The following QTMAN variants were observed in gnomAD, a reference collection of about 807,000 sequenced individuals.
The protein encoded by QTMAN is tRNA-queuosine alpha-mannosyltransferase.
the QTMAN span, among the ~76,000 whole-genome samples, chr2:144,177,447 G>T: frequency 6.6e-6 from 1 of 151,990 alleles, no homozygotes; most frequent in Non-Finnish European, 1.5e-5. Flanking sequence ...TATAATACTA[G>T]TTCAAATATT....
the QTMAN span, among the ~76,000 whole-genome samples, chr2:144,307,159 T>TAAAAAAAAAAAAAAAAAACAATTA: frequency 2.5e-5 from 1 of 40,466 alleles, no homozygotes; most frequent in Admixed American, 4.3e-4. Context: ...GACTCCGTCT[T>TAAAAAAAAAAAAAAAAAACAATTA]AAAAAAAAAA....
At chr2:143,954,330 CAA>C in the QTMAN span, among the ~76,000 whole-genome samples, 2 of 151,926 alleles carry the variant, frequency 1.3e-5, no homozygotes, top group East Asian at 1.9e-4. Context: ...TACATAAAAT[CAA>C]AAGAGTGAAG....
chr2:144,224,159 A>T, the QTMAN span, among the ~76,000 whole-genome samples: 2 of 152,244 alleles, frequency 1.3e-5, no homozygotes, highest in Non-Finnish European at 2.9e-5. Flanking sequence ...TTTTAAAACA[A>T]ATACTAATCC....
chr2:144,309,557 TCA>T, the QTMAN span, among the ~76,000 whole-genome samples: 4 of 152,116 alleles, frequency 2.6e-5, no homozygotes, highest in South Asian at 4.1e-4. Context: ...CAAAACGAAT[TCA>T]CAGTGACAAA....
At chr2:144,104,834 T>G in the QTMAN span, among the ~76,000 whole-genome samples, 1 of 152,108 alleles carries the variant, frequency 6.6e-6, no homozygotes, top group Non-Finnish European at 1.5e-5. Flanking sequence ...GATCCCCGAG[T>G]AGCCTAACTG....
At chr2:144,043,896 T>G in the QTMAN span, among the ~76,000 whole-genome samples, 2 of 152,214 alleles carry the variant, frequency 1.3e-5, no homozygotes, top group African/African-American at 4.8e-5. Context: ...AAAACCTTAG[T>G]GTACCCTATG....
chr2:143,963,989 G>A, the QTMAN span: 1 of 152,004 alleles, frequency 6.6e-6, no homozygotes, highest in African/African-American at 2.4e-5. Context: ...TACTAAAATG[G>A]AGCTAATATG....
chr2:144,125,599 T>C, the QTMAN span, among the ~76,000 whole-genome samples: 1 of 152,078 alleles, frequency 6.6e-6, no homozygotes, highest in Non-Finnish European at 1.5e-5. Flanking sequence ...TCAGTGTGCT[T>C]TGGAATCTTT....
chr2:144,022,010 C>T, the QTMAN span, among the ~76,000 whole-genome samples: 1 of 151,626 alleles, frequency 6.6e-6, no homozygotes, highest in East Asian at 1.9e-4. Flanking sequence ...AGAGTGTAGC[C>T]TCTGAGGAAG....
At chr2:144,243,645 T>C in the QTMAN span, among the ~76,000 whole-genome samples, 1 of 152,224 alleles carries the variant, frequency 6.6e-6, no homozygotes, top group African/African-American at 2.4e-5. Context: ...ATCTAGACCA[T>C]ATATAGTGTT....
chr2:143,944,243 A>ATG, the QTMAN span: 1 of 133,954 alleles, frequency 7.5e-6, no homozygotes, highest in Non-Finnish European at 1.6e-5. Flanking sequence ...GCGTGTGCAC[A>ATG]CACACACACA....
chr2:144,312,827 C>T, the QTMAN span, among the ~76,000 whole-genome samples: 4 of 152,174 alleles, frequency 2.6e-5, no homozygotes, highest in Admixed American at 6.5e-5. Context: ...CCTTCTCTCT[C>T]GCCAGCCACC....
chr2:144,142,648 G>A, the QTMAN span, among the ~76,000 whole-genome samples: 1 of 151,898 alleles, frequency 6.6e-6, no homozygotes, highest in East Asian at 1.9e-4. Flanking sequence ...AAAGGATTAT[G>A]GTATCCCAAA....
the QTMAN span, among the ~76,000 whole-genome samples, chr2:144,322,885 T>C: frequency 2.2e-4 from 33 of 152,292 alleles, 1 homozygote; most frequent in East Asian, 6.0e-3. Flanking sequence ...CAATTCATCA[T>C]ATAATAGCAA....
the QTMAN span, chr2:144,011,675 A>G: frequency 1.0e-6 from 1 of 969,932 alleles, no homozygotes; most frequent in Non-Finnish European, 1.2e-6. Flanking sequence ...TACCTTACTG[A>G]TGGGGTGAAA....
the QTMAN span, among the ~76,000 whole-genome samples, chr2:144,069,777 A>G: frequency 6.6e-6 from 1 of 152,070 alleles, no homozygotes; most frequent in Non-Finnish European, 1.5e-5. Context: ...GAACTTCAGC[A>G]ACACAGCATT....
chr2:144,109,344 G>A, the QTMAN span, among the ~76,000 whole-genome samples: 1 of 152,202 alleles, frequency 6.6e-6, no homozygotes, highest in African/African-American at 2.4e-5. Context: ...CTAGCCATAT[G>A]TAGAAAGCTG....
the QTMAN span, among the ~76,000 whole-genome samples, chr2:143,955,466 A>C: frequency 6.6e-6 from 1 of 152,126 alleles, no homozygotes; most frequent in Non-Finnish European, 1.5e-5. Flanking sequence ...AAATTCTCAT[A>C]CTCTTTACAA....
chr2:144,122,409 A>G, the QTMAN span, among the ~76,000 whole-genome samples: 1 of 152,346 alleles, frequency 6.6e-6, no homozygotes, highest in South Asian at 2.1e-4. Flanking sequence ...GCTATTAATC[A>G]TCAAGATTCA....
Sources: allele counts gnomAD v4.1 joint callset (sites outside exome capture counted in the v4.1 genomes callset), GRCh38; gene constraint gnomAD v4.1.1; transcripts MANE v1.5; gene names NCBI Gene and HGNC (gene_info 2026-07-23, HGNC 2026-07-21).